The following UBE2E2 variants were observed in gnomAD, a reference collection of about 807,000 sequenced individuals.
The protein encoded by UBE2E2 is ubiquitin-conjugating enzyme E2 E2.
Under a neutral mutation model 24.7 loss-of-function variants are expected in UBE2E2, and 6 were observed. The ratio of observed to expected loss-of-function variants is 0.24; its 90% confidence interval spans 0.13 to 0.48. The LOEUF (loss-of-function observed/expected upper bound fraction) is 0.48, where lower values mean the gene tolerates loss of function less well. Ranked by LOEUF, UBE2E2 falls within the 20% of genes least tolerant of loss-of-function variation. The pLI, the probability that UBE2E2 is intolerant of heterozygous loss-of-function variation, is 0.99. For synonymous variants in UBE2E2, 104 were observed against 83.6 expected (o/e 1.24, Z -1.33); for missense variants, 169 against 245.0 (o/e 0.69, Z 2.07).
At chr3:23,282,192 A>C (rs952915726) in intron 3 of UBE2E2, among the ~76,000 whole-genome samples, 11 of 152,252 alleles carry the variant, frequency 7.2e-5, no homozygotes, top group Admixed American at 1.3e-4. Context: ...ATACAGTTGG[A>C]AAATAATATC....
At chr3:23,386,426 A>C (rs1234536399) in intron 3 of UBE2E2, among the ~76,000 whole-genome samples, 1 of 152,162 alleles carries the variant, frequency 6.6e-6, no homozygotes, top group East Asian at 1.9e-4. Flanking sequence ...TCAACATATG[A>C]ATTTAGCGGG....
chr3:23,300,798 T>G (rs1252231534), intron 3 of UBE2E2, among the ~76,000 whole-genome samples: 1 of 152,060 alleles, frequency 6.6e-6, no homozygotes, highest in Non-Finnish European at 1.5e-5. Context: ...CTTTGTGGTG[T>G]TCTCTATATT....
At chr3:23,389,163 A>C (rs1390858483) in intron 3 of UBE2E2, among the ~76,000 whole-genome samples, 1 of 152,178 alleles carries the variant, frequency 6.6e-6, no homozygotes, top group East Asian at 1.9e-4. Flanking sequence ...ACAATAATCT[A>C]TGTTTTTTTG....
chr3:23,283,038 C>CCACTAAA lies in UBE2E2; in HGVS notation c.227+65728_227+65729insCTAAACA, dbSNP rs1698524029. 4.0e-5 allele frequency among the ~76,000 whole-genome samples: 6 copies of CCACTAAA among 151,844 alleles called. No individual in the cohort carries two copies. In the South Asian group the frequency reaches 1.2e-3, roughly 32 times the overall value. ...AATTGATAGAAACTAAACTTGAGCC[C>CCACTAAA]CAGTGACTCCAGAGATAGTCTTTAA... On this transcript the variant is annotated intron_variant, in intron 3 of 5. Coordinates refer to ENST00000396703, the MANE Select transcript of UBE2E2 (RefSeq NM_152653.4).
At chr3:23,284,961 AAAT>A (rs1009492973) in intron 3 of UBE2E2, among the ~76,000 whole-genome samples, 17 of 142,586 alleles carry the variant, frequency 1.2e-4, no homozygotes, top group African/African-American at 3.8e-4. Flanking sequence ...TTGGAAAAAA[AAAT>A]ATATATATAT....
intron 3 of UBE2E2, among the ~76,000 whole-genome samples, chr3:23,400,012 A>G (rs1421079088): frequency 1.3e-5 from 2 of 152,176 alleles, no homozygotes; most frequent in Non-Finnish European, 2.9e-5. Flanking sequence ...ACTTTAGAGC[A>G]TGAAAAAAGC....
At chr3:23,360,579 G>A (rs1047829847) in intron 3 of UBE2E2, among the ~76,000 whole-genome samples, 5 of 152,106 alleles carry the variant, frequency 3.3e-5, no homozygotes, top group Non-Finnish European at 7.4e-5. Context: ...CATGGTATGC[G>A]GGGGACCTAT....
intron 3 of UBE2E2, among the ~76,000 whole-genome samples, chr3:23,394,115 A>G (rs909222828): frequency 2.0e-5 from 3 of 152,184 alleles, no homozygotes; most frequent in African/African-American, 7.2e-5. Context: ...ACAGATGTCT[A>G]AGCTTGCTTG....
At chr3:23,554,732 A>G (rs756953399) in intron 5 of UBE2E2, among the ~76,000 whole-genome samples, 10 of 152,176 alleles carry the variant, frequency 6.6e-5, no homozygotes, top group Non-Finnish European at 1.3e-4. Context: ...ATGTAACTAC[A>G]TCAAACTGCA....
chr3:23,323,843 G>T (rs1694812868), intron 3 of UBE2E2, among the ~76,000 whole-genome samples: 1 of 151,968 alleles, frequency 6.6e-6, no homozygotes, highest in Non-Finnish European at 1.5e-5. Context: ...TAGCACTTTT[G>T]TACTTGCCTC....
At chr3:23,301,750 A>T (rs1459208938) in intron 3 of UBE2E2, among the ~76,000 whole-genome samples, 1 of 152,194 alleles carries the variant, frequency 6.6e-6, no homozygotes, top group African/African-American at 2.4e-5. Flanking sequence ...TTGAGGAGGC[A>T]GTCTGCCTGT....
At chr3:23,323,691 C>T (rs1311783710) in intron 3 of UBE2E2, 1 of 240,464 alleles carries the variant, frequency 4.2e-6, no homozygotes, top group South Asian at 3.8e-5. Flanking sequence ...GTAAGTTAAA[C>T]TTCTCTGAAT....
rs143899074 is a variant in UBE2E2 at position 23,550,516 on chromosome 3, A to G, written c.508+17815A>G. ...CTAGAGGTCAAAGACTATGTTGTCC[A>G]GAGAGTTTTGTTATCGCAAACTCCT... is the stretch of plus-strand genomic sequence containing the variant. On this transcript the variant is annotated intron_variant, in intron 5 of 5. Coordinates refer to ENST00000396703, the MANE Select transcript of UBE2E2 (RefSeq NM_152653.4). 4.8e-3 allele frequency among the ~76,000 whole-genome samples: 724 copies of G among 152,336 alleles called. 7 individuals carry two copies. Among genetic ancestry groups the G allele is most frequent in the Non-Finnish European group, 7.5e-3 (510 of 68,024 alleles).
chr3:23,266,467 G>GC (rs1272694370), intron 3 of UBE2E2, among the ~76,000 whole-genome samples: 5 of 151,936 alleles, frequency 3.3e-5, no homozygotes, highest in Non-Finnish European at 7.4e-5. Context: ...TTGAATATTG[G>GC]CCCCCCCTCT....
chr3:23,528,908 A>G lies in UBE2E2; in HGVS notation c.361-3646A>G, dbSNP rs74356154. ...TCTCAGGGCAGCCCTTCTCCTCCTC[A>G]TGTCTGTTTATCTGCCTATTCTACC... is the stretch of plus-strand genomic sequence containing the variant. On this transcript the variant is annotated intron_variant, in intron 4 of 5. Transcript: ENST00000396703. Among the ~76,000 whole-genome samples the G allele has an allele frequency of 8.9e-3, 1,348 of 151,948 alleles. 11 individuals are homozygous for G. Among genetic ancestry groups the G allele is most frequent in the Middle Eastern group, 0.034 (10 of 294 alleles).
chr3:23,385,030 A>C (rs1696773531), intron 3 of UBE2E2, among the ~76,000 whole-genome samples: 1 of 151,894 alleles, frequency 6.6e-6, no homozygotes, highest in Non-Finnish European at 1.5e-5. Context: ...CCCCAGGTTC[A>C]AGTGATTCTC....
At chr3:23,494,442 G>A (rs1271123056) in intron 3 of UBE2E2, among the ~76,000 whole-genome samples, 1 of 152,058 alleles carries the variant, frequency 6.6e-6, no homozygotes, top group African/African-American at 2.4e-5. Flanking sequence ...TTTGCATTAA[G>A]TCTTCAAACT....
intron 3 of UBE2E2, among the ~76,000 whole-genome samples, chr3:23,412,779 G>A (rs1395594568): frequency 2.6e-5 from 4 of 152,116 alleles, no homozygotes; most frequent in East Asian, 1.9e-4. Context: ...AACTTGTTAG[G>A]AATGTAAATC....
chr3:23,574,290 A>G (rs1017674285), intron 5 of UBE2E2, among the ~76,000 whole-genome samples: 3 of 152,200 alleles, frequency 2.0e-5, no homozygotes, highest in African/African-American at 4.8e-5. Flanking sequence ...GTTAGAAAGA[A>G]TGAAAAAGAC....
Sources: allele counts gnomAD v4.1 joint callset (sites outside exome capture counted in the v4.1 genomes callset), GRCh38; gene constraint gnomAD v4.1.1; transcripts MANE v1.5; gene names NCBI Gene and HGNC (gene_info 2026-07-23, HGNC 2026-07-21).